CENPE: variants seen among roughly 807,000 people sequenced by gnomAD.
The protein encoded by CENPE is centromere-associated protein E.
In CENPE, 145 loss-of-function variants were observed where a neutral mutation model predicts 336.1. That is an observed-to-expected ratio of 0.43 (90% CI 0.38 to 0.50). The LOEUF is 0.50. Ranked by LOEUF, CENPE falls within the 20% of genes least tolerant of loss-of-function variation. The probability of loss-of-function intolerance (pLI) is 0.00; values close to 1 mark genes in which losing one functional copy is unlikely to be tolerated. For missense variants in CENPE, 2,719 were observed against 3,023.3 expected (o/e 0.90, Z 2.36); for synonymous variants, 1,013 against 984.8 (o/e 1.03, Z -0.54).
chr4:103,120,018 G>C, intron 44 of CENPE, 130 bp downstream of exon 44: 1 of 605,688 alleles, frequency 1.7e-6, no homozygotes, highest in East Asian at 3.0e-5. Context: ...CTTGAGTACT[G>C]AACTTCAGAA....
At position 103,146,102 on chromosome 4, in the gene CENPE, C is replaced by T; in HGVS notation, c.4140G>A (p.Gln1380=). 1 of 1,612,054 alleles carries T rather than the reference C, an allele frequency of 6.2e-7. No individual in the cohort carries two copies. Among genetic ancestry groups the T allele is most frequent in the Non-Finnish European group, 8.5e-7 (1 of 1,179,366 alleles). The change falls in exon 30 of 49, where the codon CAG becomes CAA. Residue 1380 remains glutamine (Q), a synonymous_variant. Coordinates refer to ENST00000265148, the MANE Select transcript of CENPE (RefSeq NM_001813.3). ...EHIRETLAKI[Q]ESQSKQEQSL... ...ACTGTTCTTGTTTGCTTTGAGACTCCTGGATCTTAAGAGAATCATAAAACA... is the reference window on the plus strand; with the variant it reads ...ACTGTTCTTGTTTGCTTTGAGACTCTTGGATCTTAAGAGAATCATAAAACA...
At chr4:103,113,203 AGTGTATATATATACTTTTAAGTATAT>A (rs1749724146) in intron 46 of CENPE, among the ~76,000 whole-genome samples, 2 of 101,784 alleles carry the variant, frequency 2.0e-5, no homozygotes, top group Admixed American at 1.1e-4. Context: ...TAAGTATATA[AGTGTATATATATACTTTTAAGTATAT>A]GTGTATATAT....
intron 42 of CENPE, 69 bp from the exon 43 acceptor site, chr4:103,123,158 T>C: frequency 8.8e-7 from 1 of 1,140,456 alleles, no homozygotes; most frequent in Non-Finnish European, 1.3e-6. Flanking sequence ...CCTGCAATTT[T>C]ATTTTCCATG....
intron 31 of CENPE, 73 bp from the exon 32 acceptor site, chr4:103,145,407 A>C: frequency 7.3e-7 from 1 of 1,365,440 alleles, no homozygotes; most frequent in Non-Finnish European, 1.0e-6. Context: ...ACACAACTTA[A>C]GAGGAAAAGG....
chr4:103,175,511 A>G (rs1399656671), intron 15 of CENPE, among the ~76,000 whole-genome samples: 1 of 152,104 alleles, frequency 6.6e-6, no homozygotes, highest in African/African-American at 2.4e-5. Context: ...AATGTCTATT[A>G]CTTTATACAA....
intron 8 of CENPE, among the ~76,000 whole-genome samples, chr4:103,186,114 C>T (rs1756746140): frequency 6.6e-6 from 1 of 152,106 alleles, no homozygotes; most frequent in African/African-American, 2.4e-5. Flanking sequence ...CTTACTATGG[C>T]AAATATAATT....
intron 8 of CENPE, among the ~76,000 whole-genome samples, chr4:103,192,810 T>C (rs1229038308): frequency 1.3e-5 from 2 of 152,122 alleles, no homozygotes; most frequent in East Asian, 3.8e-4. Context: ...GAATTAGAAT[T>C]CAGAGACTAT....
intron 8 of CENPE, among the ~76,000 whole-genome samples, chr4:103,186,218 C>T (rs1756755601): frequency 6.6e-6 from 1 of 152,204 alleles, no homozygotes; most frequent in African/African-American, 2.4e-5. Context: ...CCCAAACACC[C>T]CATGTACTTC....
In CENPE at chr4:103,160,744, T is replaced by C. The variant is rs972918197; in HGVS notation, c.2167A>G (p.Thr723Ala). 2.8e-5 allele frequency: 45 copies of C among 1,605,584 alleles called. No individual in the cohort carries two copies. The highest frequency in any genetic ancestry group is 3.6e-5 in the Non-Finnish European group (42 of 1,176,268). The change falls in exon 21 of 49, where the codon ACT becomes GCT. Residue 723 changes from threonine to alanine, a missense_variant. Transcript: ENST00000265148. ...LCNLELEGKI[T>A]DLQKELNKEV... ...TTATTTAGTTCTTTCTGAAGATCAGTAATCTTTCCTTCCAATTCCAAATTA... is the reference window on the plus strand; with the variant it reads ...TTATTTAGTTCTTTCTGAAGATCAGCAATCTTTCCTTCCAATTCCAAATTA...
chr4:103,176,938 G>A lies in CENPE; in HGVS notation c.1351C>T (p.His451Tyr), dbSNP rs1401003761. Residue 451 changes from histidine (H) to tyrosine (Y), a missense_variant, in exon 14 of 49, where the codon CAT becomes TAT. Transcript: ENST00000265148. The part of the protein sequence containing the change: ...NIPTNITTKT[H>Y]KLSINLLREI... ...CGTAATAAATTTATAGAAAGCTTAT[G>A]TGTTTTTGTTGTTATATTTGTTGGT... The A allele has an allele frequency of 6.3e-7, 1 of 1,589,670 alleles. No homozygotes were observed. Among genetic ancestry groups the A allele is most frequent in the South Asian group, 1.1e-5 (1 of 88,110 alleles).
chr4:103,134,912 A>G (rs1395526074), intron 40 of CENPE, among the ~76,000 whole-genome samples: 1 of 152,200 alleles, frequency 6.6e-6, no homozygotes, highest in Non-Finnish European at 1.5e-5. Flanking sequence ...TTCTCTGACA[A>G]TGATCACTAA....
In CENPE at chr4:103,181,406, T is replaced by C. The variant is rs17217250; in HGVS notation, c.1014A>G (p.Val338=). The change falls in exon 12 of 49, where the codon GTA becomes GTG. Residue 338 remains valine (V), a synonymous_variant. Coordinates refer to ENST00000265148, the MANE Select transcript of CENPE (RefSeq NM_001813.3). ...YMKNTPYVNE[V]STDEALLKRY... The stretch of plus-strand genomic sequence containing the variant: ...TTTTCAGGAGAGCTTCATCAGTTGA[T>C]ACCTCATTAACATAAGGAGTATTCT... 0.19 allele frequency: 293,490 copies of C among 1,559,984 alleles called. 29,589 individuals carry two copies. The highest frequency in any genetic ancestry group is 0.2 in the Non-Finnish European group (229,543 of 1,148,890).
At position 103,123,089 on chromosome 4, in the gene CENPE, C is replaced by T. The variant is rs747290658; in HGVS notation, c.6925G>A (p.Ala2309Thr). The change falls in exon 43 of 49, where the codon GCC becomes ACC. Residue 2309 changes from alanine (A) to threonine (T), a missense_variant and splice_region_variant. By Grantham distance (58) the Ala-to-Thr change is moderately conservative (BLOSUM62 0). Coordinates refer to ENST00000265148, the MANE Select transcript of CENPE (RefSeq NM_001813.3). ...VNNFFNNRII[A>T]IMNESTEFEE... ...AACTCTGTTGATTCATTCATTATGG[C>T]CTATTGAACAGTAAAATACCATTAT... 1.1e-5 allele frequency: 17 copies of T among 1,608,624 alleles called. No homozygotes were observed. Among genetic ancestry groups the T allele is most frequent in the Non-Finnish European group, 1.4e-5 (17 of 1,175,456 alleles).
At chr4:103,154,440 C>G (rs1753807103) in intron 24 of CENPE, among the ~76,000 whole-genome samples, 1 of 152,036 alleles carries the variant, frequency 6.6e-6, no homozygotes, top group Non-Finnish European at 1.5e-5. Context: ...GCTTGATTCT[C>G]TAGAGTAGAT....
intron 16 of CENPE, among the ~76,000 whole-genome samples, chr4:103,164,839 C>T (rs1279514092): frequency 6.6e-6 from 1 of 152,056 alleles, no homozygotes; most frequent in Non-Finnish European, 1.5e-5. Context: ...TAAATTGGCT[C>T]CTTCTTTCAC....
chr4:103,189,788 C>A (rs1417848284), intron 8 of CENPE, among the ~76,000 whole-genome samples: 2 of 152,198 alleles, frequency 1.3e-5, no homozygotes, highest in East Asian at 1.9e-4. Context: ...GAAGTTCTGG[C>A]CAGAGCAATC....
At chr4:103,133,066 G>T (rs939514186) in intron 41 of CENPE, among the ~76,000 whole-genome samples, 170 bp from the exon 42 acceptor site, 1 of 149,126 alleles carries the variant, frequency 6.7e-6, no homozygotes, top group African/African-American at 2.5e-5. Context: ...AGTAAACTAA[G>T]AAATATAATT....
intron 8 of CENPE, among the ~76,000 whole-genome samples, chr4:103,191,506 G>A (rs1757326211): frequency 6.6e-6 from 1 of 152,088 alleles, no homozygotes; most frequent in African/African-American, 2.4e-5. Flanking sequence ...TAGGGACATG[G>A]ATGAAGCTGG....
At chr4:103,156,920 G>T (rs1333372957) in intron 24 of CENPE, among the ~76,000 whole-genome samples, 1 of 151,874 alleles carries the variant, frequency 6.6e-6, no homozygotes, top group East Asian at 1.9e-4. Flanking sequence ...AATGGGAAAA[G>T]ACTTAAATAG....
Sources: gnomAD v4.1 joint callset for allele counts (sites outside exome capture counted in the v4.1 genomes callset) on GRCh38, gnomAD v4.1.1 for gene constraint, MANE v1.5 for transcripts, NCBI Gene and HGNC (gene_info 2026-07-23, HGNC 2026-07-21) for gene names.